PCDHGA11: variants seen among roughly 807,000 people sequenced by gnomAD.
The protein encoded by PCDHGA11 is protocadherin gamma-A11.
Under a neutral mutation model 60.4 loss-of-function variants are expected in PCDHGA11, and 39 were observed. The observed-to-expected ratio is 0.65, with a 90% CI of 0.50 to 0.84. The LOEUF is 0.84. Among genes scored for constraint, PCDHGA11 ranks in the 40% least tolerant of loss-of-function variants. The pLI is 0.00. For synonymous variants in PCDHGA11, 533 were observed against 510.3 expected (o/e 1.04, Z -0.60); for missense variants, 1,165 against 1,197.7 (o/e 0.97, Z 0.40).
intron 2 of PCDHGA11, among the ~76,000 whole-genome samples, chr5:141,496,628 C>T (rs928402582): frequency 2.0e-5 from 3 of 152,212 alleles, no homozygotes; most frequent in Non-Finnish European, 2.9e-5. Flanking sequence ...GATCAAAAGG[C>T]TTGGGCTGCC....
At chr5:141,458,413 G>A (rs138479316) in intron 1 of PCDHGA11, among the ~76,000 whole-genome samples, 1 of 152,196 alleles carries the variant, frequency 6.6e-6, no homozygotes, top group East Asian at 1.9e-4. Context: ...CGGAGCGGGG[G>A]TTCCAAAGCT....
At chr5:141,467,110 T>C (rs2099137137) in intron 1 of PCDHGA11, among the ~76,000 whole-genome samples, 1 of 151,604 alleles carries the variant, frequency 6.6e-6, no homozygotes, top group Non-Finnish European at 1.5e-5. Context: ...TGGAGTACAA[T>C]GGTGCAATCT....
rs1389095817 is a variant in PCDHGA11, at chr5:141,422,541, T to C, written c.1314T>C (p.His438=). Reference sequence around the variant, plus strand: ...GCCCGCCTTTGTCTGCAGAAACTCATGTCTGGCTGAATGTGGCAGATGACA... The same window carrying C: ...GCCCGCCTTTGTCTGCAGAAACTCACGTCTGGCTGAATGTGGCAGATGACA... ...QGSPPLSAET[H]VWLNVADDND... Residue 438 remains histidine (H), a synonymous_variant, in exon 1 of 4, where the codon CAT becomes CAC. Coordinates refer to ENST00000398587, the MANE Select transcript of PCDHGA11 (RefSeq NM_018914.3). 6.2e-7 allele frequency: 1 copy of C among 1,613,992 alleles called. No individual in the cohort carries two copies.
Position 141,431,529 on chromosome 5 carries a change from T to G in PCDHGA11, c.2433+7869T>G, listed in dbSNP as rs145601545. The G allele has an allele frequency of 2.5e-6, 4 of 1,614,074 alleles. No homozygotes were observed. The highest frequency in any genetic ancestry group is 3.4e-6 in the Non-Finnish European group (4 of 1,180,030). ...GCGAGCGTTCCGGAGAATCTGGCCT[T>G]GGGCACGCAGCTGCTTGTAGTCAAC... On this transcript the variant is annotated intron_variant, in intron 1 of 3. Coordinates refer to ENST00000398587, the MANE Select transcript of PCDHGA11 (RefSeq NM_018914.3). The surrounding 1 kb of genome is among the most constrained non-coding windows in gnomAD (Gnocchi z 4.8).
chr5:141,487,826 T>C lies in PCDHGA11; in HGVS notation c.2434-6981T>C, dbSNP rs1321152837. 24 of 1,187,814 alleles carry C rather than the reference T, an allele frequency of 2.0e-5. No homozygotes were observed. The highest frequency in any genetic ancestry group is 2.8e-5 in the Non-Finnish European group (24 of 856,356). The allele number at this position is 1,187,814 out of a possible 1,614,324, so 73.6% of individuals were successfully genotyped here. On this transcript the variant is annotated intron_variant, in intron 1 of 3. Coordinates refer to ENST00000398587, the MANE Select transcript of PCDHGA11 (RefSeq NM_018914.3). The surrounding 1 kb of genome is among the most constrained non-coding windows in gnomAD (Gnocchi z 5.0). ...ACAGTTTAGCATTGGGGGCGGGTCA[T>C]GCCTATATCTGAGTAAGAAATGAAA... is the stretch of plus-strand genomic sequence containing the variant.
Position 141,431,674 on chromosome 5 carries a change from G to T in PCDHGA11, c.2433+8014G>T. 6.2e-7 allele frequency: 1 copy of T among 1,614,234 alleles called. No homozygotes were observed. ...ATTCAGGGACAATATCAACAATAGG[G>T]GAGTTGGACCACGAGGAGTCAGGAT... is the stretch of plus-strand genomic sequence containing the variant. On this transcript the variant is annotated intron_variant, in intron 1 of 3. Transcript: ENST00000398587. This position sits in a 1 kb window ranked among gnomAD's most constrained non-coding sequence, Gnocchi z 4.8.
chr5:141,486,452 G>T lies in PCDHGA11; in HGVS notation c.2434-8355G>T. 6.2e-7 allele frequency: 1 copy of T among 1,614,152 alleles called. No homozygotes were observed. Among genetic ancestry groups the T allele is most frequent in the Non-Finnish European group, 8.5e-7 (1 of 1,179,996 alleles). Reference sequence around the variant, plus strand: ...ATCTAGCTATGACATCATGGTCACTGCTTCTGATGCTGGGAACCCTCCTCT... The same window carrying T: ...ATCTAGCTATGACATCATGGTCACTTCTTCTGATGCTGGGAACCCTCCTCT... On this transcript the variant is annotated intron_variant, in intron 1 of 3. Coordinates refer to ENST00000398587, the MANE Select transcript of PCDHGA11 (RefSeq NM_018914.3). This position sits in a 1 kb window ranked among gnomAD's most constrained non-coding sequence, Gnocchi z 5.0.
rs773126086 is a variant in PCDHGA11 at position 141,487,392 on chromosome 5, G to C, written c.2434-7415G>C. The C allele has an allele frequency of 6.2e-7, 1 of 1,614,176 alleles. No homozygotes were observed. Among genetic ancestry groups the C allele is most frequent in the Non-Finnish European group, 8.5e-7 (1 of 1,180,024 alleles). ...GCCTGTCTCACCAGATCTCGAAGGA[G>C]GGAGGGGCTTCCCCCTTCCAATGGG... On this transcript the variant is annotated intron_variant, in intron 1 of 3. Coordinates refer to ENST00000398587, the MANE Select transcript of PCDHGA11 (RefSeq NM_018914.3). This position sits in a 1 kb window ranked among gnomAD's most constrained non-coding sequence, Gnocchi z 5.0.
intron 1 of PCDHGA11, among the ~76,000 whole-genome samples, chr5:141,488,544 C>G (rs1225754325): frequency 6.6e-6 from 1 of 152,166 alleles, no homozygotes; most frequent in African/African-American, 2.4e-5. Flanking sequence ...AGTCCCATGT[C>G]AGCTGACATT....
rs1301800438 is a variant in PCDHGA11, at chr5:141,432,966, C to T, written c.2433+9306C>T. ...TCAGGAGGCGGCTTGACAGGAGCGC[C>T]GGCGTCGCACTTTGTGGGCGTGGAC... On this transcript the variant is annotated intron_variant, in intron 1 of 3. Coordinates refer to ENST00000398587, the MANE Select transcript of PCDHGA11 (RefSeq NM_018914.3). This position sits in a 1 kb window ranked among gnomAD's most constrained non-coding sequence, Gnocchi z 6.0. 1.2e-6 allele frequency: 2 copies of T among 1,614,066 alleles called. No homozygotes were observed. The highest frequency in any genetic ancestry group is 8.5e-7 in the Non-Finnish European group (1 of 1,180,052).
At chr5:141,483,918 T>G (rs2099588800) in intron 1 of PCDHGA11, among the ~76,000 whole-genome samples, 1 of 150,512 alleles carries the variant, frequency 6.6e-6, no homozygotes, top group Non-Finnish European at 1.5e-5. Flanking sequence ...CCACTCAGAT[T>G]GCAGGTCGTA....
At chr5:141,469,929 G>C (rs1208858245) in intron 1 of PCDHGA11, among the ~76,000 whole-genome samples, 1 of 152,168 alleles carries the variant, frequency 6.6e-6, no homozygotes, top group Non-Finnish European at 1.5e-5. Context: ...TCAGGAGTTT[G>C]AGACCAGCCT....
chr5:141,504,561 T>G (rs1023434942), intron 2 of PCDHGA11, among the ~76,000 whole-genome samples: 1 of 150,052 alleles, frequency 6.7e-6, no homozygotes, highest in Non-Finnish European at 1.5e-5. Context: ...GGGACTGGCA[T>G]TCTAGGGAAC....
At chr5:141,497,500 T>G (rs1468175808) in intron 2 of PCDHGA11, among the ~76,000 whole-genome samples, 2 of 151,562 alleles carry the variant, frequency 1.3e-5, no homozygotes, top group Non-Finnish European at 2.9e-5. Context: ...CTCTCTCCTC[T>G]CTCTGCTTCC....
chr5:141,485,587 G>C lies in PCDHGA11; in HGVS notation c.2434-9220G>C. 6.2e-7 allele frequency: 1 copy of C among 1,612,652 alleles called. No individual in the cohort carries two copies. The highest frequency in any genetic ancestry group is 1.7e-5 in the Admixed American group (1 of 59,982). On this transcript the variant is annotated intron_variant, in intron 1 of 3. Coordinates refer to ENST00000398587, the MANE Select transcript of PCDHGA11 (RefSeq NM_018914.3). This position sits in a 1 kb window ranked among gnomAD's most constrained non-coding sequence, Gnocchi z 5.7. ...CCCCCCGTTTTCCGCGGCAGCAGCT[G>C]GACTTGGAAATTGGGGAGGCAGCTC... is the stretch of plus-strand genomic sequence containing the variant.
chr5:141,485,416 C>T lies in PCDHGA11; in HGVS notation c.2434-9391C>T, dbSNP rs1311879785. On this transcript the variant is annotated intron_variant, in intron 1 of 3. Coordinates refer to ENST00000398587, the MANE Select transcript of PCDHGA11 (RefSeq NM_018914.3). This position sits in a 1 kb window ranked among gnomAD's most constrained non-coding sequence, Gnocchi z 5.7. Reference sequence around the variant, plus strand: ...GACACTTCCGTGTGGATTTGGACAGCGGAGCCCTGCTCATCAAGAACCCAA... The same window carrying T: ...GACACTTCCGTGTGGATTTGGACAGTGGAGCCCTGCTCATCAAGAACCCAA... 10 of 1,613,988 alleles carry T rather than the reference C, an allele frequency of 6.2e-6. No individual in the cohort carries two copies. Among genetic ancestry groups the T allele is most frequent in the South Asian group, 4.4e-5 (4 of 91,086 alleles).
chr5:141,487,452 T>A lies in PCDHGA11; in HGVS notation c.2434-7355T>A, dbSNP rs778695562. 40 of 1,614,046 alleles carry A rather than the reference T, an allele frequency of 2.5e-5. No homozygotes were observed. The highest frequency in any genetic ancestry group is 3.4e-5 in the Non-Finnish European group (40 of 1,180,004). On this transcript the variant is annotated intron_variant, in intron 1 of 3. Coordinates refer to ENST00000398587, the MANE Select transcript of PCDHGA11 (RefSeq NM_018914.3). This position sits in a 1 kb window ranked among gnomAD's most constrained non-coding sequence, Gnocchi z 5.0. ...ATCCAGCTAGGGTCAGATGACCCTA[T>A]CAAGTTTGTTGATGTGGGAGGCCAC... is the stretch of plus-strand genomic sequence containing the variant.
At chr5:141,435,719 C>T (rs890713374) in intron 1 of PCDHGA11, among the ~76,000 whole-genome samples, 6 of 152,156 alleles carry the variant, frequency 3.9e-5, no homozygotes, top group Admixed American at 3.3e-4. Context: ...ACACTGAATG[C>T]TAAAGTGTAT....
intron 1 of PCDHGA11, chr5:141,427,739 C>G: frequency 2.4e-6 from 3 of 1,232,634 alleles, no homozygotes; most frequent in Non-Finnish European, 3.5e-6. Context: ...ATGGCCAAGT[C>G]TCCTACTCCA....
Sources: gnomAD v4.1 joint callset for allele counts (sites outside exome capture counted in the v4.1 genomes callset) on GRCh38, gnomAD v4.1.1 for gene constraint, Gnocchi (gnomAD v3.1) non-coding constraint, MANE v1.5 for transcripts, NCBI Gene and HGNC (gene_info 2026-07-23, HGNC 2026-07-21) for gene names.